The following THSD7B variants were observed in gnomAD, a reference collection of about 807,000 sequenced individuals.
The protein encoded by THSD7B is thrombospondin type-1 domain-containing protein 7B.
In THSD7B, 138 loss-of-function variants were observed where a neutral mutation model predicts 213.6. That is an observed-to-expected ratio of 0.65 (90% CI 0.56 to 0.74). The LOEUF (loss-of-function observed/expected upper bound fraction) is 0.74. Ranked by LOEUF, THSD7B falls within the 30% of genes least tolerant of loss-of-function variation. THSD7B has a pLI of 0.00. For missense variants in THSD7B, 1,931 were observed against 1,991.5 expected (o/e 0.97, Z 0.58); for synonymous variants, 742 against 687.0 (o/e 1.08, Z -1.25).
intron 27 of THSD7B, among the ~76,000 whole-genome samples, chr2:137,673,103 G>A (rs1223001527): frequency 1.3e-5 from 2 of 152,184 alleles, no homozygotes; most frequent in African/African-American, 4.8e-5. Flanking sequence ...ACAAAATGTG[G>A]TTTGCTGCTT....
At chr2:137,223,259 A>G (rs554001461) in intron 7 of THSD7B, among the ~76,000 whole-genome samples, 19 of 152,318 alleles carry the variant, frequency 1.2e-4, no homozygotes, top group African/African-American at 4.3e-4. Context: ...GACCCTAGAA[A>G]TTCGCAGTGG....
At chr2:137,482,934 A>C (rs1193558776) in intron 15 of THSD7B, among the ~76,000 whole-genome samples, 2 of 152,202 alleles carry the variant, frequency 1.3e-5, no homozygotes, top group Non-Finnish European at 2.9e-5. Flanking sequence ...CCTGGGACAT[A>C]AAAACATTTC....
intron 1 of THSD7B, among the ~76,000 whole-genome samples, chr2:136,795,336 C>T (rs557663901): frequency 1.3e-5 from 2 of 152,002 alleles, no homozygotes; most frequent in South Asian, 4.2e-4. Context: ...TTCGAGGCTT[C>T]CTTACGTTGC....
intron 4 of THSD7B, among the ~76,000 whole-genome samples, chr2:137,096,425 C>T (rs924665232): frequency 7.2e-5 from 11 of 152,148 alleles, no homozygotes; most frequent in Non-Finnish European, 1.6e-4. Flanking sequence ...TTTCTGTTGT[C>T]AAAACTCTTA....
intron 14 of THSD7B, among the ~76,000 whole-genome samples, chr2:137,445,705 A>G (rs1687522957): frequency 6.6e-6 from 1 of 151,974 alleles, no homozygotes. Flanking sequence ...CAATAGCACA[A>G]TAGGGCAACT....
chr2:137,187,596 A>T (rs1392522032), intron 7 of THSD7B, among the ~76,000 whole-genome samples: 1 of 152,186 alleles, frequency 6.6e-6, no homozygotes, highest in African/African-American at 2.4e-5. Context: ...CTAGAAATAC[A>T]AGATTAGAAG....
intron 1 of THSD7B, among the ~76,000 whole-genome samples, chr2:136,801,919 C>G (rs1220890878): frequency 2.0e-5 from 3 of 152,100 alleles, no homozygotes; most frequent in Admixed American, 6.6e-5. Flanking sequence ...ATAATATAGA[C>G]ATGGTGGTTA....
chr2:137,260,396 C>T (rs1682413417), intron 10 of THSD7B, among the ~76,000 whole-genome samples: 1 of 152,002 alleles, frequency 6.6e-6, no homozygotes, highest in African/African-American at 2.4e-5. Flanking sequence ...CAAGGTAGGT[C>T]ATATACTGAT....
chr2:137,485,827 T>C (rs1688427973), intron 15 of THSD7B, among the ~76,000 whole-genome samples: 1 of 151,776 alleles, frequency 6.6e-6, no homozygotes, highest in African/African-American at 2.4e-5. Flanking sequence ...CAGAAGAGAG[T>C]GGGGGCCAAT....
chr2:137,257,788 T>C (rs1231879263), intron 10 of THSD7B, among the ~76,000 whole-genome samples: 1 of 152,156 alleles, frequency 6.6e-6, no homozygotes, highest in Non-Finnish European at 1.5e-5. Flanking sequence ...GCTGAGAACA[T>C]CTAAGGATTG....
chr2:137,451,414 T>G (rs1687650439), intron 15 of THSD7B, among the ~76,000 whole-genome samples: 1 of 151,920 alleles, frequency 6.6e-6, no homozygotes, highest in Admixed American at 6.6e-5. Context: ...CATGGCAATA[T>G]GATTAGTGGT....
At chr2:137,176,671 T>C (rs1055623632) in intron 7 of THSD7B, among the ~76,000 whole-genome samples, 1 of 152,224 alleles carries the variant, frequency 6.6e-6, no homozygotes, top group Non-Finnish European at 1.5e-5. Flanking sequence ...TACATCTCTT[T>C]GCCTAAGAAT....
At chr2:137,114,887 A>T (rs926047605) in intron 4 of THSD7B, among the ~76,000 whole-genome samples, 1 of 151,132 alleles carries the variant, frequency 6.6e-6, no homozygotes, top group African/African-American at 2.4e-5. Flanking sequence ...TATCCATATC[A>T]CGTTCCTTTA....
intron 15 of THSD7B, among the ~76,000 whole-genome samples, chr2:137,518,082 T>C (rs1412825029): frequency 6.6e-6 from 1 of 151,870 alleles, no homozygotes. Flanking sequence ...CATATATATG[T>C]GATTGGGCTC....
intron 12 of THSD7B, among the ~76,000 whole-genome samples, chr2:137,385,887 A>T (rs1251361379): frequency 6.6e-6 from 1 of 152,228 alleles, no homozygotes; most frequent in East Asian, 1.9e-4. Flanking sequence ...ACCTTTTAAA[A>T]TTTCAATTAT....
At chr2:137,416,677 G>A (rs1686806787) in intron 14 of THSD7B, among the ~76,000 whole-genome samples, 1 of 152,238 alleles carries the variant, frequency 6.6e-6, no homozygotes, top group Admixed American at 6.5e-5. Flanking sequence ...TACAGGTTCT[G>A]AAGTGTGCGT....
At chr2:137,223,833 C>T (rs1188399127) in intron 7 of THSD7B, among the ~76,000 whole-genome samples, 2 of 151,930 alleles carry the variant, frequency 1.3e-5, no homozygotes, top group African/African-American at 4.8e-5. Flanking sequence ...GCGGATATTC[C>T]CCTTGCTCTT....
chr2:137,446,531 T>G (rs1687543884), intron 14 of THSD7B, among the ~76,000 whole-genome samples: 1 of 151,874 alleles, frequency 6.6e-6, no homozygotes, highest in East Asian at 1.9e-4. Flanking sequence ...GTAATAGGAT[T>G]TTTTTTGAGC....
intron 2 of THSD7B, among the ~76,000 whole-genome samples, chr2:137,007,521 C>T (rs1686140573): frequency 6.6e-6 from 1 of 152,082 alleles, no homozygotes; most frequent in South Asian, 2.1e-4. Flanking sequence ...ATAAACAACT[C>T]ATGGAGAAAG....
Sources: gnomAD v4.1 joint callset for allele counts (sites outside exome capture counted in the v4.1 genomes callset) on GRCh38, gnomAD v4.1.1 for gene constraint, MANE v1.5 for transcripts, NCBI Gene and HGNC (gene_info 2026-07-23, HGNC 2026-07-21) for gene names.